Variants in PIK3C2G observed in about 807,000 individuals in gnomAD.
The protein encoded by PIK3C2G is phosphatidylinositol-4-phosphate 3-kinase catalytic subunit type 2 gamma.
A neutral mutation model predicts 181.1 loss-of-function variants in PIK3C2G; 168 were observed. That is an observed-to-expected ratio of 0.93 (90% CI 0.82 to 1.05). The LOEUF (loss-of-function observed/expected upper bound fraction) is 1.05, where lower values mean the gene tolerates loss of function less well. Ranked by LOEUF, PIK3C2G falls within the 50% of genes least tolerant of loss-of-function variation. PIK3C2G has a pLI of 0.00. For missense variants in PIK3C2G, 1,869 were observed against 1,732.8 expected (o/e 1.08, Z -1.40); for synonymous variants, 573 against 592.2 (o/e 0.97, Z 0.47).
chr12:18,258,432 T>TCCCCAGTCTCC (rs1948170351), upstream of PIK3C2G, among the ~76,000 whole-genome samples: 1 of 152,048 alleles, frequency 6.6e-6, no homozygotes, highest in South Asian at 2.1e-4. Context: ...GACCAACATC[T>TCCCCAGTCTCC]CCCCAGTCTC....
chr12:18,615,896 A>G (rs1274135181), intron 31 of PIK3C2G, among the ~76,000 whole-genome samples: 8 of 152,074 alleles, frequency 5.3e-5, no homozygotes, highest in Admixed American at 1.3e-4. Context: ...TTCTTAGCTT[A>G]ATACCTTATA....
intron 29 of PIK3C2G, among the ~76,000 whole-genome samples, chr12:18,589,280 AAAG>A (rs1946949738): frequency 1.3e-5 from 2 of 152,132 alleles, no homozygotes; most frequent in East Asian, 3.9e-4. Flanking sequence ...AAAAAAAGGA[AAAG>A]AAAAACAGTG....
chr12:18,673,500 A>T, the PIK3C2G span, among the ~76,000 whole-genome samples: 2 of 152,300 alleles, frequency 1.3e-5, no homozygotes, highest in East Asian at 3.9e-4. Context: ...TGAACAAACG[A>T]ACAAGGCTAG....
At chr12:18,503,209 T>C (rs1275641718) in intron 22 of PIK3C2G, 72 bp from the exon 23 acceptor site, 1 of 1,135,244 alleles carries the variant, frequency 8.8e-7, no homozygotes, top group Admixed American at 2.3e-5. Flanking sequence ...AAGCTATTGT[T>C]GTTATATTTC....
intron 5 of PIK3C2G, among the ~76,000 whole-genome samples, chr12:18,303,357 C>G (rs1014252245): frequency 6.7e-6 from 1 of 149,750 alleles, no homozygotes; most frequent in Admixed American, 6.7e-5. Context: ...TTCTTTCTGA[C>G]ACAGTCTCAC....
chr12:18,467,830 C>T (rs1938059884), intron 18 of PIK3C2G, among the ~76,000 whole-genome samples: 1 of 151,868 alleles, frequency 6.6e-6, no homozygotes, highest in East Asian at 1.9e-4. Context: ...AACTAGAGCA[C>T]AAGTGGAAAT....
intron 26 of PIK3C2G, among the ~76,000 whole-genome samples, chr12:18,546,803 T>A (rs1944454065): frequency 6.6e-6 from 1 of 152,022 alleles, no homozygotes; most frequent in Non-Finnish European, 1.5e-5. Context: ...CTTTCCTATG[T>A]AAGACAATAC....
rs143616287 is a variant in PIK3C2G at position 18,345,721 on chromosome 12, A to AT, written c.1430-911dup. 9.9e-5 allele frequency among the ~76,000 whole-genome samples: 15 copies of AT among 151,884 alleles called. No homozygotes were observed. The South Asian group carries it at 1.0e-3, about 11-fold the overall frequency. On this transcript the variant is annotated intron_variant, in intron 10 of 32. Transcript: ENST00000538779. ...TGTTTATTTCTAGAATTTTCTTTTA[A>AT]TTTTTTTTTACTTAAGTTTACTTAA...
At chr12:18,410,089 A>G (rs781705050) in intron 16 of PIK3C2G, among the ~76,000 whole-genome samples, 4 of 152,140 alleles carry the variant, frequency 2.6e-5, no homozygotes, top group African/African-American at 4.8e-5. Context: ...TTGGGTGGGG[A>G]CACAAATCCA....
chr12:18,453,028 G>T (rs557632411), intron 18 of PIK3C2G, among the ~76,000 whole-genome samples: 1 of 152,290 alleles, frequency 6.6e-6, no homozygotes, highest in African/African-American at 2.4e-5. Flanking sequence ...GTGCTGAGAA[G>T]AATGTACATT....
At chr12:18,540,228 A>G (rs1450337582) in intron 25 of PIK3C2G, among the ~76,000 whole-genome samples, 1 of 151,860 alleles carries the variant, frequency 6.6e-6, no homozygotes, top group African/African-American at 2.4e-5. Context: ...GATAAAATTT[A>G]TTTACATAAA....
chr12:18,488,518 A>G lies in PIK3C2G; in HGVS notation c.2574A>G (p.Gln858=). Reference sequence around the variant, plus strand: ...ATCAGAAGCTACTAGCTGCTCTCCAATTCTGTGCAGGTAAAGCCTTGAATG... The same window carrying G: ...ATCAGAAGCTACTAGCTGCTCTCCAGTTCTGTGCAGGTAAAGCCTTGAATG... ...SWYQKLLAAL[Q]FCAGKALNDE... The change falls in exon 19 of 33, where the codon CAA becomes CAG. Residue 858 remains glutamine (Q), a synonymous_variant. Coordinates refer to ENST00000538779, the MANE Select transcript of PIK3C2G (RefSeq NM_001288772.2). The G allele has an allele frequency of 6.3e-7, 1 of 1,588,690 alleles. No individual in the cohort carries two copies. The highest frequency in any genetic ancestry group is 1.2e-5 in the South Asian group (1 of 86,794).
At chr12:18,559,336 A>G (rs1945173257) in intron 26 of PIK3C2G, among the ~76,000 whole-genome samples, 1 of 152,122 alleles carries the variant, frequency 6.6e-6, no homozygotes, top group Non-Finnish European at 1.5e-5. Context: ...GAACCATACA[A>G]TAAAAGCAGG....
chr12:18,543,562 T>C (rs527297596), intron 25 of PIK3C2G, among the ~76,000 whole-genome samples: 1 of 152,116 alleles, frequency 6.6e-6, no homozygotes, highest in South Asian at 2.1e-4. Flanking sequence ...GAGTTGATTT[T>C]TATATATGGT....
chr12:18,609,502 A>G (rs1281456502), intron 30 of PIK3C2G, 33 bp from the exon 31 acceptor site: 2 of 1,307,160 alleles, frequency 1.5e-6, no homozygotes, highest in South Asian at 2.5e-5. Context: ...GCTTTTTCCA[A>G]CTGAACTCAC....
intron 26 of PIK3C2G, among the ~76,000 whole-genome samples, chr12:18,561,352 G>A (rs1945333217): frequency 6.6e-6 from 1 of 152,160 alleles, no homozygotes; most frequent in African/African-American, 2.4e-5. Context: ...ACTGGCACAT[G>A]CCTCTAACCC....
intron 22 of PIK3C2G, among the ~76,000 whole-genome samples, 198 bp downstream of exon 22, chr12:18,497,946 T>G (rs1416421784): frequency 6.6e-6 from 1 of 152,248 alleles, no homozygotes. Flanking sequence ...CATAATATGC[T>G]TTTAGGTATT....
chr12:18,546,037 G>A (rs1308135533), intron 25 of PIK3C2G, among the ~76,000 whole-genome samples: 1 of 151,880 alleles, frequency 6.6e-6, no homozygotes, highest in African/African-American at 2.4e-5. Flanking sequence ...ATAATATCAT[G>A]CTTATTTCAC....
At position 18,538,988 on chromosome 12, in the gene PIK3C2G, C is replaced by T. The variant is rs1349118200; in HGVS notation, c.3480+676C>T. Among the ~76,000 whole-genome samples the T allele has an allele frequency of 2.0e-5, 3 of 151,908 alleles. No homozygotes were observed. In the East Asian group the frequency reaches 5.8e-4, roughly 29 times the overall value. On this transcript the variant is annotated intron_variant, in intron 25 of 32. Transcript: ENST00000538779. ...CTAGGAGAGGGATATAGTGATTCCT[C>T]TAGGCACATACGTACACACTAGTGA...
Sources: gnomAD v4.1 joint callset for allele counts (sites outside exome capture counted in the v4.1 genomes callset) on GRCh38, gnomAD v4.1.1 for gene constraint, MANE v1.5 for transcripts, NCBI Gene and HGNC (gene_info 2026-07-23, HGNC 2026-07-21) for gene names.